Variants in MOGAT1 observed in about 807,000 individuals in gnomAD.
MOGAT1 encodes the protein monoacylglycerol O-acyltransferase 1.
A neutral mutation model predicts 31.4 loss-of-function variants in MOGAT1; 32 were observed. That is an observed-to-expected ratio of 1.02 (90% CI 0.77 to 1.37). The LOEUF is 1.37. Among genes scored for constraint, MOGAT1 ranks in the 40% most tolerant of loss-of-function variants. The probability of loss-of-function intolerance (pLI) is 0.00; values close to 1 mark genes in which losing one functional copy is unlikely to be tolerated. For missense variants in MOGAT1, 426 were observed against 402.0 expected, an observed-to-expected ratio of 1.06 and a Z score of -0.51; for synonymous variants, 145 against 144.5, an observed-to-expected ratio of 1.00 and a Z score of -0.03.
At chr2:222,708,319 G>C (rs1156660352) in intron 5 of MOGAT1, among the ~76,000 whole-genome samples, 1 of 152,012 alleles carries the variant, frequency 6.6e-6, no homozygotes, top group Non-Finnish European at 1.5e-5. Context: ...CCTGACCTCA[G>C]GTGATCCACC....
intron 5 of MOGAT1, among the ~76,000 whole-genome samples, chr2:222,702,045 G>T (rs1467552360): frequency 6.6e-6 from 1 of 152,202 alleles, no homozygotes; most frequent in Non-Finnish European, 1.5e-5. Flanking sequence ...TGGAGTAAAG[G>T]CCTCCTGCCT....
intron 5 of MOGAT1, among the ~76,000 whole-genome samples, chr2:222,705,737 G>A (rs1052683220): frequency 6.6e-6 from 1 of 152,106 alleles, no homozygotes; most frequent in South Asian, 2.1e-4. Context: ...CCGGGGATTT[G>A]ACTGAATAAC....
intron 5 of MOGAT1, among the ~76,000 whole-genome samples, chr2:222,703,885 G>T (rs2106045126): frequency 6.8e-6 from 1 of 146,852 alleles, no homozygotes; most frequent in South Asian, 2.2e-4. Context: ...AAAAAATAAT[G>T]CCCACTTCTA....
intron 5 of MOGAT1, among the ~76,000 whole-genome samples, chr2:222,705,411 C>T (rs1692990979): frequency 6.6e-6 from 1 of 152,148 alleles, no homozygotes; most frequent in African/African-American, 2.4e-5. Flanking sequence ...ATTCCAGTGC[C>T]TCCGACAATA....
intron 5 of MOGAT1, among the ~76,000 whole-genome samples, chr2:222,698,299 G>C (rs866261191): frequency 1.5e-4 from 23 of 152,220 alleles, no homozygotes; most frequent in African/African-American, 4.8e-4. Flanking sequence ...AAGTGTAAGG[G>C]TGACATGGAA....
intron 5 of MOGAT1, among the ~76,000 whole-genome samples, chr2:222,702,689 G>A (rs182884026): frequency 1.3e-4 from 20 of 151,618 alleles, no homozygotes; most frequent in Non-Finnish European, 1.5e-5. Flanking sequence ...ACCACATGAG[G>A]ACAAAAGTAA....
At chr2:222,705,582 G>A (rs1377267019) in intron 5 of MOGAT1, among the ~76,000 whole-genome samples, 1 of 152,208 alleles carries the variant, frequency 6.6e-6, no homozygotes, top group East Asian at 1.9e-4. Context: ...TTTGGCTGGA[G>A]CCCATTCCTT....
rs536377337 is a variant in MOGAT1 at position 222,707,187 on chromosome 2, A to C, written c.854-2549A>C. ...AGCATGGTTGACAGAGCAAGACTCCATTTCAGAAAGAAAGAGAGACAGAAA... is the reference window on the plus strand; with the variant it reads ...AGCATGGTTGACAGAGCAAGACTCCCTTTCAGAAAGAAAGAGAGACAGAAA... On this transcript the variant is annotated intron_variant, in intron 5 of 5. Transcript: ENST00000446656. Among the ~76,000 whole-genome samples, 16 of 151,580 alleles carry C rather than the reference A, an allele frequency of 1.1e-4. No homozygotes were observed. In the East Asian group the frequency reaches 3.1e-3, roughly 29 times the overall value.
intron 1 of MOGAT1, among the ~76,000 whole-genome samples, chr2:222,675,673 G>T (rs1017207771): frequency 1.3e-5 from 2 of 151,866 alleles, no homozygotes; most frequent in African/African-American, 2.4e-5. Flanking sequence ...TAGAGACGGG[G>T]TTTCACCGTG....
intron 2 of MOGAT1, among the ~76,000 whole-genome samples, chr2:222,688,887 G>A (rs757923570): frequency 5.9e-5 from 9 of 152,144 alleles, no homozygotes; most frequent in Non-Finnish European, 1.2e-4. Flanking sequence ...TGATAATGGC[G>A]TTAATCCATT....
At chr2:222,676,067 A>C (rs563514452) in intron 1 of MOGAT1, among the ~76,000 whole-genome samples, 1 of 152,218 alleles carries the variant, frequency 6.6e-6, no homozygotes, top group African/African-American at 2.4e-5. Flanking sequence ...AAAGTAGCAA[A>C]ATGTTTCATT....
intron 5 of MOGAT1, 100 bp from the exon 6 acceptor site, chr2:222,709,636 A>T (rs1387808592): frequency 1.9e-6 from 2 of 1,072,022 alleles, no homozygotes. Context: ...GGCTGGAGGG[A>T]TTCTGATTGG....
chr2:222,709,853 A>G lies in MOGAT1; in HGVS notation c.971A>G (p.Tyr324Cys), dbSNP rs1333128997. ...TTGTTTGAGGAACACAAAGGAAAGTATGGCATTCCAGAGCACGAGACTCTT... is the reference window on the plus strand; with the variant it reads ...TTGTTTGAGGAACACAAAGGAAAGTGTGGCATTCCAGAGCACGAGACTCTT... ...RKLFEEHKGK[Y>C]GIPEHETLVL... The change falls in exon 6 of 6, where the codon TAT (tyrosine) becomes TGT (cysteine). Residue 324 changes from tyrosine to cysteine, a missense_variant. Transcript: ENST00000446656. The G allele has an allele frequency of 6.2e-7, 1 of 1,613,078 alleles. No homozygotes were observed. Among genetic ancestry groups the G allele is most frequent in the South Asian group, 1.1e-5 (1 of 90,952 alleles).
At chr2:222,697,525 A>G (rs1203962345) in intron 5 of MOGAT1, among the ~76,000 whole-genome samples, 1 of 149,550 alleles carries the variant, frequency 6.7e-6, no homozygotes, top group Non-Finnish European at 1.5e-5. Context: ...AGTTGGGGAT[A>G]TATTTCTTTC....
intron 1 of MOGAT1, among the ~76,000 whole-genome samples, chr2:222,685,309 A>G (rs1488938876): frequency 1.3e-5 from 2 of 152,178 alleles, no homozygotes; most frequent in African/African-American, 4.8e-5. Context: ...CTGTGCCAGG[A>G]ACTGTACACC....
chr2:222,707,975 A>G (rs879294348), intron 5 of MOGAT1, among the ~76,000 whole-genome samples: 1 of 152,180 alleles, frequency 6.6e-6, no homozygotes, highest in African/African-American at 2.4e-5. Flanking sequence ...TGTGGGTCCC[A>G]TTCATTACCT....
rs573395914 is a variant in MOGAT1, at chr2:222,684,779, G to A, written c.95-3565G>A. On this transcript the variant is annotated intron_variant, in intron 1 of 5. Transcript: ENST00000446656. Reference sequence around the variant, plus strand: ...TTTAGTAGAGACGGGGTTTCACCATGTTGGCCAGGCTGGTCTCAAACGCCT... The same window carrying A: ...TTTAGTAGAGACGGGGTTTCACCATATTGGCCAGGCTGGTCTCAAACGCCT... Among the ~76,000 whole-genome samples the A allele has an allele frequency of 1.1e-4, 17 of 152,206 alleles. No individual in the cohort carries two copies. The South Asian group carries it at 2.7e-3, about 24-fold the overall frequency.
In MOGAT1 at chr2:222,695,187, T is replaced by C; in HGVS notation, c.752T>C (p.Leu251Pro). ...TGGATTAGAACTGTTCAGAATAAAC[T>C]GCAGAAGATCATGGGGTTTGCTTTG... The part of the protein sequence containing the change: ...GSWIRTVQNK[L>P]QKIMGFALPL... The change falls in exon 5 of 6, where the codon CTG becomes CCG. Residue 251 changes from leucine (L) to proline (P), a missense_variant. Leu to Pro is a moderately conservative substitution (Grantham distance 98). Transcript: ENST00000446656. 2 of 1,613,742 alleles carry C rather than the reference T, an allele frequency of 1.2e-6. No individual in the cohort carries two copies. The highest frequency in any genetic ancestry group is 1.7e-6 in the Non-Finnish European group (2 of 1,179,738).
chr2:222,672,928 T>C (rs370971860), intron 1 of MOGAT1, among the ~76,000 whole-genome samples: 1 of 47,158 alleles, frequency 2.1e-5, no homozygotes, highest in African/African-American at 9.0e-5. Flanking sequence ...TATTATTATC[T>C]TTGAGACGGA....
Sources: gnomAD v4.1 joint callset for allele counts (sites outside exome capture counted in the v4.1 genomes callset) on GRCh38, gnomAD v4.1.1 for gene constraint, MANE v1.5 for transcripts, NCBI Gene and HGNC (gene_info 2026-07-23, HGNC 2026-07-21) for gene names.